Variants in RCC1L observed in about 807,000 individuals in gnomAD.
RCC1L encodes RCC1 like.
A neutral mutation model predicts 58.6 loss-of-function variants in RCC1L; 46 were observed. The ratio of observed to expected loss-of-function variants is 0.79; its 90% CI spans 0.62 to 1.00. The LOEUF (loss-of-function observed/expected upper bound fraction) is 1.00. Ranked by LOEUF, RCC1L falls within the 50% of genes least tolerant of loss-of-function variation. The pLI is 0.00. For synonymous variants in RCC1L, 281 were observed against 262.9 expected, an observed-to-expected ratio of 1.07 and a Z score of -0.67; for missense variants, 636 against 623.6, an observed-to-expected ratio of 1.02 and a Z score of -0.21.
At chr7:75,072,161 C>CATATACATATACATATATAT (rs1455614533) in intron 1 of RCC1L, among the ~76,000 whole-genome samples, 25 of 46,360 alleles carry the variant, frequency 5.4e-4, no homozygotes, top group Non-Finnish European at 1.1e-3. Flanking sequence ...TATACATATA[C>CATATACATATACATATATAT]ATATATATAT....
Position 75,073,796 on chromosome 7 carries a change from C to T in RCC1L, c.-59G>A, listed in dbSNP as rs1806870781. 1 of 1,499,628 alleles carries T rather than the reference C, an allele frequency of 6.7e-7. No individual in the cohort carries two copies. Among genetic ancestry groups the T allele is most frequent in the South Asian group, 1.3e-5 (1 of 79,424 alleles). The allele number at this position is 1,499,628 out of a possible 1,614,324, so 92.9% of individuals were successfully genotyped here. On this transcript the variant is annotated 5_prime_UTR_variant, in exon 1 of 11. Transcript: ENST00000610322. Reference sequence around the variant, plus strand: ...CGCCATCTTGCGTGACCCTTAACACCAGTCCTCGCCGGAAGAGGCTACGGC... The same window carrying T: ...CGCCATCTTGCGTGACCCTTAACACTAGTCCTCGCCGGAAGAGGCTACGGC...
downstream of RCC1L, among the ~76,000 whole-genome samples, chr7:75,038,274 C>T (rs1337423152): frequency 6.6e-6 from 1 of 152,170 alleles, no homozygotes; most frequent in Non-Finnish European, 1.5e-5. Flanking sequence ...GTTTTTGAGA[C>T]AGAGTCTCGC....
intron 10 of RCC1L, among the ~76,000 whole-genome samples, chr7:75,031,671 C>A: frequency 6.6e-6 from 1 of 151,972 alleles, no homozygotes; most frequent in Non-Finnish European, 1.5e-5. Flanking sequence ...GAGGAAGGGC[C>A]CCCAGAGCCG....
intron 10 of RCC1L, among the ~76,000 whole-genome samples, chr7:75,050,530 C>T (rs1317707332): frequency 2.6e-5 from 4 of 152,196 alleles, no homozygotes; most frequent in African/African-American, 9.6e-5. Flanking sequence ...CCCTCGTCAG[C>T]GTTCTTTCAC....
chr7:75,036,689 T>C (rs1338496759), intron 10 of RCC1L, among the ~76,000 whole-genome samples: 2 of 151,508 alleles, frequency 1.3e-5, no homozygotes, highest in Non-Finnish European at 2.9e-5. Context: ...AAGCCAGGAG[T>C]TTGAGACCAG....
chr7:75,052,228 T>C (rs1395482426), intron 10 of RCC1L, among the ~76,000 whole-genome samples: 1 of 152,292 alleles, frequency 6.6e-6, no homozygotes, highest in East Asian at 1.9e-4. Flanking sequence ...TGTGAAGCAT[T>C]CCCCCACATG....
At chr7:75,073,352 T>G in intron 1 of RCC1L, 62 bp downstream of exon 1, 1 of 764,198 alleles carries the variant, frequency 1.3e-6, no homozygotes, top group Non-Finnish European at 1.9e-6. Flanking sequence ...GCCGAACAGG[T>G]CGAGGGAGGC....
intron 10 of RCC1L, among the ~76,000 whole-genome samples, chr7:75,052,308 C>T (rs1412389352): frequency 1.3e-5 from 2 of 152,182 alleles, no homozygotes; most frequent in Admixed American, 1.3e-4. Context: ...CCTCATGGCA[C>T]CCTACCAGAG....
intron 6 of RCC1L, among the ~76,000 whole-genome samples, chr7:75,060,508 G>A (rs1584499472): frequency 6.6e-6 from 1 of 152,204 alleles, no homozygotes; most frequent in South Asian, 2.1e-4. Flanking sequence ...TTGGCTCACA[G>A]CAACCTCCGC....
At chr7:75,043,594 T>A (rs1805629843) in intron 10 of RCC1L, among the ~76,000 whole-genome samples, 5 of 152,170 alleles carry the variant, frequency 3.3e-5, no homozygotes, top group South Asian at 2.1e-4. Context: ...CTGGGCGCTG[T>A]AGCTCACGCC....
chr7:75,058,743 A>C lies in RCC1L; in HGVS notation c.814T>G (p.Ser272Ala). 1 of 1,613,940 alleles carries C rather than the reference A, an allele frequency of 6.2e-7. No homozygotes were observed. The highest frequency in any genetic ancestry group is 8.5e-7 in the Non-Finnish European group (1 of 1,179,840). Residue 272 changes from serine (S) to alanine (A), a missense_variant, in exon 7 of 11, where the codon TCG becomes GCG. Ser to Ala is a moderately conservative substitution (Grantham distance 99). Coordinates refer to ENST00000610322, the MANE Select transcript of RCC1L (RefSeq NM_030798.5). ...TGLGHYNITS[S>A]PTKLGGDLAG... ...AGGTCTCCACCCAGCTTGGTGGGCGAGCTGGTGATATTGTAGTGACCCAGA... is the reference window on the plus strand; with the variant it reads ...AGGTCTCCACCCAGCTTGGTGGGCGCGCTGGTGATATTGTAGTGACCCAGA...
At chr7:75,039,628 G>A (rs1805506722), downstream of RCC1L, among the ~76,000 whole-genome samples, 1 of 152,112 alleles carries the variant, frequency 6.6e-6, no homozygotes, top group Non-Finnish European at 1.5e-5. Flanking sequence ...GGAGATGGGG[G>A]GGAGGCCTCC....
chr7:75,030,245 G>C (rs1805264512), intron 10 of RCC1L, among the ~76,000 whole-genome samples: 1 of 152,260 alleles, frequency 6.6e-6, no homozygotes, highest in South Asian at 2.1e-4. Flanking sequence ...GCGTGGATGT[G>C]TTCCTATGCA....
intron 10 of RCC1L, among the ~76,000 whole-genome samples, chr7:75,051,557 C>T (rs988823441): frequency 1.6e-4 from 25 of 151,974 alleles, no homozygotes; most frequent in Admixed American, 5.9e-4. Context: ...GGATTACAGG[C>T]GTGTGCCACC....
intron 5 of RCC1L, among the ~76,000 whole-genome samples, chr7:75,061,719 G>T (rs1023565035): frequency 1.3e-5 from 2 of 152,044 alleles, no homozygotes; most frequent in African/African-American, 4.8e-5. Flanking sequence ...GCTACCCTGG[G>T]AGATGGGAGC....
chr7:75,057,432 G>A, intron 8 of RCC1L, 97 bp downstream of exon 8: 1 of 1,298,142 alleles, frequency 7.7e-7, no homozygotes, highest in Non-Finnish European at 1.1e-6. Context: ...ACCCTCCTAA[G>A]GCTAAGGTCT....
chr7:75,070,685 T>G lies in RCC1L; in HGVS notation c.409A>C (p.Asn137His). Residue 137 changes from asparagine to histidine, a missense_variant, in exon 2 of 11, where the codon AAC (asparagine) becomes CAC (histidine). By Grantham distance (68) the Asn-to-His change is moderately conservative. Transcript: ENST00000610322. The part of the protein sequence containing the change: ...DVTKVWGMGL[N>H]KDSQLGFHRS... ...TGAAATCCAAGCTGAGAATCTTTGT[T>G]GAGTCCCATCCCCCAGACTTTCGTA... 6.2e-7 allele frequency: 1 copy of G among 1,614,142 alleles called. No homozygotes were observed. The highest frequency in any genetic ancestry group is 8.5e-7 in the Non-Finnish European group (1 of 1,179,996).
chr7:75,033,449 C>A (rs984954980), intron 10 of RCC1L, among the ~76,000 whole-genome samples: 1 of 152,158 alleles, frequency 6.6e-6, no homozygotes, highest in Non-Finnish European at 1.5e-5. Flanking sequence ...GTCATCCCAG[C>A]ACTTTGGGAG....
intron 8 of RCC1L, chr7:75,056,739 C>T: frequency 6.5e-7 from 1 of 1,534,932 alleles, no homozygotes; most frequent in Non-Finnish European, 8.7e-7. Context: ...AGATAAATCG[C>T]AGACTATTCG....
Sources: allele counts gnomAD v4.1 joint callset (sites outside exome capture counted in the v4.1 genomes callset), GRCh38; gene constraint gnomAD v4.1.1; transcripts MANE v1.5; gene names NCBI Gene and HGNC (gene_info 2026-07-23, HGNC 2026-07-21).